Variants in SLC35D4 observed in about 807,000 individuals in gnomAD.
SLC35D4 encodes the protein UDP-N-acetylglucosamine transporter SLC35D4.
the SLC35D4 span, chr18:23,257,169 G>T: frequency 6.3e-7 from 1 of 1,590,878 alleles, no homozygotes; most frequent in Non-Finnish European, 8.5e-7. Flanking sequence ...TGCAATTGCA[G>T]AAAGACTAGG....
chr18:23,416,537 C>T, the SLC35D4 span, among the ~76,000 whole-genome samples: 1 of 152,214 alleles, frequency 6.6e-6, no homozygotes, highest in African/African-American at 2.4e-5. Context: ...CCCAGCCCAG[C>T]ACACACGAAA....
At chr18:23,415,256 C>G in the SLC35D4 span, among the ~76,000 whole-genome samples, 8 of 152,246 alleles carry the variant, frequency 5.3e-5, no homozygotes, top group East Asian at 1.3e-3. Flanking sequence ...AGCACAGACT[C>G]TTGATGAAAA....
chr18:23,287,060 T>C, the SLC35D4 span, among the ~76,000 whole-genome samples: 5 of 151,650 alleles, frequency 3.3e-5, no homozygotes, highest in Admixed American at 6.6e-5. Context: ...TCCCACAGCA[T>C]GCTTTGAAAG....
chr18:23,412,351 T>G, the SLC35D4 span, among the ~76,000 whole-genome samples: 1 of 152,212 alleles, frequency 6.6e-6, no homozygotes, highest in Admixed American at 6.5e-5. Flanking sequence ...CCAAGGTTCA[T>G]GTTGACTACT....
At chr18:23,381,833 G>A in the SLC35D4 span, among the ~76,000 whole-genome samples, 2 of 152,188 alleles carry the variant, frequency 1.3e-5, no homozygotes, top group African/African-American at 2.4e-5. Context: ...CTCATCTACA[G>A]GCTCTGGCCT....
chr18:23,243,086 A>G, the SLC35D4 span, among the ~76,000 whole-genome samples: 1 of 151,150 alleles, frequency 6.6e-6, no homozygotes, highest in Admixed American at 6.6e-5. Context: ...TATATAGAAT[A>G]TAGAACTATA....
At chr18:23,321,255 G>A in the SLC35D4 span, among the ~76,000 whole-genome samples, 13 of 152,020 alleles carry the variant, frequency 8.6e-5, no homozygotes, top group African/African-American at 2.7e-4. Context: ...TGATTTTTGC[G>A]ATTTATTTAT....
At chr18:23,369,152 T>C in the SLC35D4 span, among the ~76,000 whole-genome samples, 1 of 152,262 alleles carries the variant, frequency 6.6e-6, no homozygotes. Context: ...TTATCTGAAA[T>C]TCAAATGCAA....
the SLC35D4 span, among the ~76,000 whole-genome samples, chr18:23,266,738 C>T: frequency 6.6e-6 from 1 of 152,260 alleles, no homozygotes; most frequent in African/African-American, 2.4e-5. Context: ...CCCCTGTGGC[C>T]TTGAGGCTTC....
the SLC35D4 span, among the ~76,000 whole-genome samples, chr18:23,344,628 G>A: frequency 7.4e-6 from 1 of 135,854 alleles, no homozygotes; most frequent in Admixed American, 8.2e-5. Flanking sequence ...TTGAGACAGA[G>A]TCTCGCTCTG....
the SLC35D4 span, among the ~76,000 whole-genome samples, chr18:23,411,541 G>GAAAGAA: frequency 2.0e-5 from 3 of 149,932 alleles, no homozygotes; most frequent in Admixed American, 2.0e-4. Context: ...AAGAAAGAAA[G>GAAAGAA]AAAGAAAGAA....
At chr18:23,321,236 T>C in the SLC35D4 span, among the ~76,000 whole-genome samples, 1 of 152,224 alleles carries the variant, frequency 6.6e-6, no homozygotes, top group African/African-American at 2.4e-5. Flanking sequence ...TCCAGTTTTC[T>C]TAAAAATATG....
At chr18:23,313,156 A>AAAAAAAAAT in the SLC35D4 span, among the ~76,000 whole-genome samples, 1 of 146,522 alleles carries the variant, frequency 6.8e-6, no homozygotes, top group Non-Finnish European at 1.5e-5. Flanking sequence ...AAAAAAAAAA[A>AAAAAAAAAT]AGAACCTGAG....
the SLC35D4 span, among the ~76,000 whole-genome samples, chr18:23,255,454 T>C: frequency 7.9e-5 from 12 of 152,024 alleles, no homozygotes; most frequent in Non-Finnish European, 2.9e-5. Context: ...TGGTACAAAA[T>C]CATCTAGCTT....
the SLC35D4 span, among the ~76,000 whole-genome samples, chr18:23,307,632 C>A: frequency 6.6e-6 from 1 of 152,222 alleles, no homozygotes; most frequent in Non-Finnish European, 1.5e-5. Context: ...GAGCGGAGGG[C>A]GAGCCCGGGG....
At chr18:23,343,736 C>T in the SLC35D4 span, among the ~76,000 whole-genome samples, 8 of 152,100 alleles carry the variant, frequency 5.3e-5, no homozygotes, top group Non-Finnish European at 8.8e-5. Context: ...CTCAAGTAGG[C>T]CCCGGTGTCA....
the SLC35D4 span, chr18:23,399,576 A>G: frequency 6.2e-7 from 1 of 1,613,930 alleles, no homozygotes; most frequent in Non-Finnish European, 8.5e-7. Context: ...CAGTCTGGAC[A>G]ATGCTCTGGA....
At chr18:23,324,212 C>T in the SLC35D4 span, among the ~76,000 whole-genome samples, 1 of 152,114 alleles carries the variant, frequency 6.6e-6, no homozygotes, top group Non-Finnish European at 1.5e-5. Context: ...GAGAAGGCAG[C>T]CATCTGAAAC....
chr18:23,370,280 A>G, the SLC35D4 span: 1 of 1,612,764 alleles, frequency 6.2e-7, no homozygotes, highest in Non-Finnish European at 8.5e-7. Flanking sequence ...GAAATAAAAC[A>G]TATCACTGGT....
Sources: allele counts gnomAD v4.1 joint callset (sites outside exome capture counted in the v4.1 genomes callset), GRCh38; gene constraint gnomAD v4.1.1; transcripts MANE v1.5; gene names NCBI Gene and HGNC (gene_info 2026-07-23, HGNC 2026-07-21).